Variants in XRRA1 observed in about 807,000 individuals in gnomAD.
XRRA1 encodes the protein X-ray radiation resistance-associated protein 1.
A neutral mutation model predicts 80.2 loss-of-function variants in XRRA1; 69 were observed. That is an observed-to-expected ratio of 0.86 (90% confidence interval 0.71 to 1.05). XRRA1 has a LOEUF of 1.05. Among genes scored for constraint, XRRA1 ranks in the 50% least tolerant of loss-of-function variants. The pLI, the probability that XRRA1 is intolerant of heterozygous loss-of-function variation, is 0.00. For synonymous variants in XRRA1, 348 were observed against 389.9 expected (o/e 0.89, Z 1.27); for missense variants, 967 against 976.4 (o/e 0.99, Z 0.13).
chr11:74,926,905 C>G (rs954821030), intron 7 of XRRA1, among the ~76,000 whole-genome samples: 14 of 151,052 alleles, frequency 9.3e-5, no homozygotes, highest in Non-Finnish European at 1.6e-4. Context: ...CTGCTCTATC[C>G]CAGCCACCGA....
At chr11:74,876,328 C>T (rs2046037935) in intron 10 of XRRA1, 1 of 152,152 alleles carries the variant, frequency 6.6e-6, no homozygotes, top group Non-Finnish European at 1.5e-5. Context: ...CTTCCCATGG[C>T]TTTACTGTGG....
chr11:74,944,455 G>T (rs1386309326), intron 2 of XRRA1, among the ~76,000 whole-genome samples: 1 of 152,088 alleles, frequency 6.6e-6, no homozygotes, highest in Admixed American at 6.6e-5. Flanking sequence ...TAACATAACA[G>T]ATGTTATGAC....
intron 5 of XRRA1, chr11:74,933,286 G>A (rs1944104064): frequency 6.6e-6 from 1 of 151,264 alleles, no homozygotes; most frequent in Non-Finnish European, 1.5e-5. Context: ...TGGTGACAGA[G>A]TCTCACTGTC....
intron 11 of XRRA1, 32 bp from the exon 12 acceptor site, chr11:74,859,315 G>A (rs775175313): frequency 3.2e-6 from 5 of 1,584,182 alleles, no homozygotes; most frequent in Admixed American, 3.6e-5. Flanking sequence ...AAATCAAAGT[G>A]CCCGATAATA....
intron 10 of XRRA1, among the ~76,000 whole-genome samples, chr11:74,899,299 T>TA (rs748340525): frequency 3.4e-4 from 52 of 151,876 alleles, no homozygotes; most frequent in Non-Finnish European, 5.7e-4. Flanking sequence ...AGTGCCTACA[T>TA]AAAAAACTAG....
intron 6 of XRRA1, among the ~76,000 whole-genome samples, chr11:74,929,649 C>T (rs1943058644): frequency 1.3e-5 from 2 of 152,192 alleles, no homozygotes; most frequent in African/African-American, 4.8e-5. Flanking sequence ...GCCGGAAATG[C>T]CTTCTTACCT....
At chr11:74,930,132 A>G (rs1943168816) in intron 6 of XRRA1, among the ~76,000 whole-genome samples, 168 bp downstream of exon 6, 2 of 152,220 alleles carry the variant, frequency 1.3e-5, no homozygotes, top group Non-Finnish European at 2.9e-5. Context: ...GTAGCGCCAG[A>G]GCAGGACTGG....
At chr11:74,860,288 T>C (rs1384036555) in intron 11 of XRRA1, among the ~76,000 whole-genome samples, 1 of 152,192 alleles carries the variant, frequency 6.6e-6, no homozygotes, top group Non-Finnish European at 1.5e-5. Context: ...CTCCCAGTGA[T>C]CCCAAGGCAA....
intron 10 of XRRA1, among the ~76,000 whole-genome samples, chr11:74,881,948 C>T (rs1318716539): frequency 6.7e-6 from 1 of 148,890 alleles, no homozygotes; most frequent in Non-Finnish European, 1.5e-5. Flanking sequence ...ACATTTTTTC[C>T]TTCATTTCAA....
intron 13 of XRRA1, among the ~76,000 whole-genome samples, chr11:74,851,495 C>T (rs2039837801): frequency 6.6e-6 from 1 of 152,112 alleles, no homozygotes; most frequent in African/African-American, 2.4e-5. Flanking sequence ...GGGCCCAGGA[C>T]TCTAAAATGC....
chr11:74,906,210 G>C, intron 10 of XRRA1, 29 bp downstream of exon 10: 2 of 1,598,638 alleles, frequency 1.3e-6, no homozygotes. Context: ...CATGAGGGTA[G>C]AATTTCTGGG....
intron 9 of XRRA1, chr11:74,906,919 C>T (rs2054725419): frequency 9.6e-6 from 5 of 519,596 alleles, no homozygotes; most frequent in Non-Finnish European, 6.5e-6. Flanking sequence ...TTTCTCTTTG[C>T]TGCTTCTAAT....
chr11:74,851,294 T>G (rs764344818), intron 13 of XRRA1, 91 bp from the exon 14 acceptor site: 1 of 918,418 alleles, frequency 1.1e-6, no homozygotes, highest in African/African-American at 1.7e-5. Context: ...TTGCTTTACA[T>G]GTATTACTGA....
intron 10 of XRRA1, among the ~76,000 whole-genome samples, chr11:74,896,313 C>T (rs1449012205): frequency 1.3e-5 from 2 of 152,162 alleles, no homozygotes; most frequent in African/African-American, 4.8e-5. Context: ...AGGGTGAGTC[C>T]CAGGCCTGGT....
chr11:74,937,807 A>G (rs933260562), intron 3 of XRRA1, among the ~76,000 whole-genome samples: 11 of 152,122 alleles, frequency 7.2e-5, no homozygotes, highest in Admixed American at 3.3e-4. Context: ...TCACTTATTC[A>G]TTGTCTGTCT....
intron 10 of XRRA1, among the ~76,000 whole-genome samples, chr11:74,884,004 C>G (rs1399132508): frequency 6.6e-6 from 1 of 152,066 alleles, no homozygotes; most frequent in Admixed American, 6.6e-5. Flanking sequence ...TTGAGACCAG[C>G]CTGGGCTAAC....
At position 74,851,162 on chromosome 11, in the gene XRRA1, C is replaced by T; in HGVS notation, c.1306G>A (p.Gly436Arg). ...LLKSFLQERL[G>R]IHLIRRKIVK... is the part of the protein sequence containing the mutation. ...ATCTTCCTTCGAATTAAGTGGATTC[C>T]CAGTCGCTCCTGGAGGAAGCTCTTC... Residue 436 changes from glycine to arginine, a missense_variant, in exon 14 of 19, where the codon GGA becomes AGA. Coordinates refer to ENST00000684022, the MANE Select transcript of XRRA1 (RefSeq NM_001378157.1). 1 of 1,613,044 alleles carries T rather than the reference C, an allele frequency of 6.2e-7. No individual in the cohort carries two copies.
At chr11:74,859,544 A>G (rs1425000470) in intron 11 of XRRA1, among the ~76,000 whole-genome samples, 3 of 152,190 alleles carry the variant, frequency 2.0e-5, no homozygotes, top group African/African-American at 7.2e-5. Context: ...CTGAGGCCAC[A>G]GGATAATATA....
chr11:74,928,646 C>A (rs1233609078), intron 6 of XRRA1, among the ~76,000 whole-genome samples: 1 of 152,144 alleles, frequency 6.6e-6, no homozygotes, highest in African/African-American at 2.4e-5. Context: ...TTACTTAGAG[C>A]CTTCTAAGTG....
Sources: allele counts gnomAD v4.1 joint callset (sites outside exome capture counted in the v4.1 genomes callset), GRCh38; gene constraint gnomAD v4.1.1; transcripts MANE v1.5; gene names NCBI Gene and HGNC (gene_info 2026-07-23, HGNC 2026-07-21).